The following PAICS variants were observed in gnomAD, a reference collection of about 807,000 sequenced individuals.
The protein encoded by PAICS is phosphoribosylaminoimidazole carboxylase and phosphoribosylaminoimidazolesuccinocarboxamide synthase, also known as bifunctional phosphoribosylaminoimidazole carboxylase/phosphoribosylaminoimidazole succinocarboxamide synthetase.
PAICS carries 33 observed loss-of-function variants against 53.7 expected under a neutral mutation model. That is an observed-to-expected ratio of 0.61 (90% confidence interval 0.47 to 0.82). PAICS has a LOEUF of 0.82. Ranked by LOEUF, PAICS falls within the 40% of genes least tolerant of loss-of-function variation. The probability of loss-of-function intolerance (pLI) is 0.00; values close to 1 mark genes in which losing one functional copy is unlikely to be tolerated. For missense variants in PAICS, 394 were observed against 494.1 expected (o/e 0.80, Z 1.92); for synonymous variants, 141 against 167.2 (o/e 0.84, Z 1.21).
chr4:56,417,599 A>C, the PAICS span, among the ~76,000 whole-genome samples: 1 of 152,114 alleles, frequency 6.6e-6, no homozygotes, highest in Non-Finnish European at 1.5e-5. Context: ...TGGGCAACAC[A>C]GTGAGACCCC....
At chr4:56,438,383 A>ATATATATATATATATATATAT in intron 1 of PAICS, among the ~76,000 whole-genome samples, 1 of 71,832 alleles carries the variant, frequency 1.4e-5, no homozygotes, top group Non-Finnish European at 2.6e-5. Flanking sequence ...ATATATATAT[A>ATATATATATATATATATATAT]TATATATATA....
upstream of PAICS, chr4:56,436,152 C>A: frequency 6.7e-7 from 1 of 1,491,132 alleles, no homozygotes; most frequent in Non-Finnish European, 8.9e-7. Flanking sequence ...TCCGCCCATA[C>A]CCCTCCGGGT....
At position 56,452,063 on chromosome 4, in the gene PAICS, A is replaced by C; in HGVS notation, c.952+11A>C. On this transcript the variant is annotated intron_variant, in intron 7 of 8. Transcript: ENST00000512576. ...AAGCTGAGTATGAAGGTAAACCACA[A>C]GTAATATGGACATTTCAGGTATTTC... 6.5e-7 allele frequency: 1 copy of C among 1,535,660 alleles called. No individual in the cohort carries two copies. Among genetic ancestry groups the C allele is most frequent in the East Asian group, 2.3e-5 (1 of 44,194 alleles).
chr4:56,456,061 C>A (rs1214470980), intron 8 of PAICS, among the ~76,000 whole-genome samples: 1 of 151,994 alleles, frequency 6.6e-6, no homozygotes, highest in Non-Finnish European at 1.5e-5. Context: ...TGGAATATTT[C>A]CTAAATTTTA....
chr4:56,425,683 C>A, the PAICS span, among the ~76,000 whole-genome samples: 1,444 of 152,218 alleles, frequency 9.5e-3, 10 homozygotes, highest in Middle Eastern at 0.02. Flanking sequence ...GGTGGGTTCC[C>A]AGATAGCTTC....
At chr4:56,436,228 C>T (rs1448378026), upstream of PAICS, 4 of 1,540,536 alleles carry the variant, frequency 2.6e-6, no homozygotes, top group East Asian at 4.9e-5. Context: ...CCTTCCCCGC[C>T]CAGCGAAGCT....
chr4:56,430,641 G>C, the PAICS span, among the ~76,000 whole-genome samples: 1 of 151,370 alleles, frequency 6.6e-6, no homozygotes, highest in African/African-American at 2.4e-5. Flanking sequence ...ATTTTTCTAT[G>C]TCTGGATATA....
At chr4:56,440,366 C>G (rs1718273746) in intron 1 of PAICS, among the ~76,000 whole-genome samples, 1 of 152,192 alleles carries the variant, frequency 6.6e-6, no homozygotes, top group Admixed American at 6.5e-5. Context: ...ATTAGGTGCC[C>G]TACAGTGGCA....
upstream of PAICS, among the ~76,000 whole-genome samples, chr4:56,430,993 T>C (rs1717552989): frequency 6.6e-6 from 1 of 151,520 alleles, no homozygotes; most frequent in African/African-American, 2.4e-5. Flanking sequence ...AAAGCTAAGT[T>C]CTAAAAAAAA....
intron 2 of PAICS, among the ~76,000 whole-genome samples, chr4:56,445,324 G>A (rs1022206570): frequency 9.2e-5 from 14 of 152,020 alleles, no homozygotes; most frequent in South Asian, 4.2e-4. Context: ...AAGGCCAGGC[G>A]CGGTGGCTCA....
At chr4:56,450,255 G>A (rs1204767330) in intron 5 of PAICS, among the ~76,000 whole-genome samples, 1 of 152,098 alleles carries the variant, frequency 6.6e-6, no homozygotes, top group East Asian at 1.9e-4. Context: ...AGGTTGATGG[G>A]TGCAGCAAAC....
intron 7 of PAICS, among the ~76,000 whole-genome samples, chr4:56,452,843 C>T (rs2110094726): frequency 6.6e-6 from 1 of 152,232 alleles, no homozygotes; most frequent in East Asian, 1.9e-4. Context: ...CCTGGGTTTA[C>T]AACCAAATGT....
the PAICS span, among the ~76,000 whole-genome samples, chr4:56,426,484 C>G: frequency 6.6e-6 from 1 of 152,144 alleles, no homozygotes; most frequent in African/African-American, 2.4e-5. Flanking sequence ...CAACCACTAA[C>G]CAACTTTCTG....
At chr4:56,440,492 C>T (rs764912010) in intron 1 of PAICS, among the ~76,000 whole-genome samples, 1 of 152,170 alleles carries the variant, frequency 6.6e-6, no homozygotes, top group Non-Finnish European at 1.5e-5. Context: ...CAGCCCCCAC[C>T]CCTTCCCCTG....
chr4:56,410,926 A>G, the PAICS span: 4 of 855,892 alleles, frequency 4.7e-6, no homozygotes, highest in Non-Finnish European at 5.6e-6. Context: ...AAAAAAAAAA[A>G]AAGAAAAGTA....
At chr4:56,436,468 C>G (rs1468543521) in intron 1 of PAICS, 140 bp downstream of exon 1, 3 of 760,664 alleles carry the variant, frequency 3.9e-6, no homozygotes, top group Non-Finnish European at 7.1e-6. Context: ...ACACGTGGCC[C>G]AGGCGCTCCC....
chr4:56,418,391 C>T, the PAICS span, among the ~76,000 whole-genome samples: 1 of 152,150 alleles, frequency 6.6e-6, no homozygotes, highest in Non-Finnish European at 1.5e-5. Context: ...GTATTCTCAG[C>T]CCATTGCAAC....
the PAICS span, chr4:56,421,635 G>C: frequency 6.6e-6 from 1 of 152,220 alleles, no homozygotes; most frequent in Non-Finnish European, 1.5e-5. Context: ...GGGAAGAGAG[G>C]GGAACCACAG....
At chr4:56,425,401 T>C in the PAICS span, 2 of 927,252 alleles carry the variant, frequency 2.2e-6, no homozygotes, top group South Asian at 1.0e-4. Flanking sequence ...AACTTATTAC[T>C]AAAACTTCAG....
Sources: gnomAD v4.1 joint callset for allele counts (sites outside exome capture counted in the v4.1 genomes callset) on GRCh38, gnomAD v4.1.1 for gene constraint, MANE v1.5 for transcripts, NCBI Gene and HGNC (gene_info 2026-07-23, HGNC 2026-07-21) for gene names.